Variants in LRRTM4 observed in about 807,000 individuals in gnomAD.
LRRTM4 encodes the protein leucine rich repeat transmembrane neuronal 4.
In LRRTM4, 25 loss-of-function variants were observed where a neutral mutation model predicts 47.6. The observed-to-expected ratio is 0.53, with a 90% CI of 0.38 to 0.73. LRRTM4 has a LOEUF of 0.73. LRRTM4 is among the 30% of genes least tolerant of loss of function. The probability of loss-of-function intolerance (pLI) is 0.00; values close to 1 mark genes in which losing one functional copy is unlikely to be tolerated. For missense variants in LRRTM4, 638 were observed against 713.4 expected (o/e 0.89, Z 1.20); for synonymous variants, 311 against 269.5 (o/e 1.15, Z -1.51).
intron 3 of LRRTM4, among the ~76,000 whole-genome samples, chr2:77,044,927 G>A (rs1301050170): frequency 6.6e-6 from 1 of 151,770 alleles, no homozygotes; most frequent in African/African-American, 2.4e-5. Flanking sequence ...GTGTGTATAT[G>A]TGTATATGTG....
intron 3 of LRRTM4, among the ~76,000 whole-genome samples, chr2:76,985,541 G>A (rs888570657): frequency 6.6e-6 from 1 of 151,964 alleles, no homozygotes; most frequent in South Asian, 2.1e-4. Context: ...CCAGAGCCGG[G>A]TGAAAGATCT....
intron 3 of LRRTM4, among the ~76,000 whole-genome samples, chr2:77,491,961 C>T (rs775968746): frequency 1.1e-4 from 17 of 151,590 alleles, no homozygotes; most frequent in Middle Eastern, 3.4e-3. Flanking sequence ...ACAAAGGAAA[C>T]GAAAGCAATG....
intron 3 of LRRTM4, among the ~76,000 whole-genome samples, chr2:77,329,560 T>C (rs1390620794): frequency 6.6e-6 from 1 of 151,978 alleles, no homozygotes; most frequent in Non-Finnish European, 1.5e-5. Context: ...AAAAAATAAA[T>C]CTGGGGAAGG....
At chr2:77,062,194 C>G (rs1363920234) in intron 3 of LRRTM4, among the ~76,000 whole-genome samples, 20 of 152,162 alleles carry the variant, frequency 1.3e-4, no homozygotes, top group Admixed American at 1.3e-3. Context: ...TTATTGGACA[C>G]TCCTCCAAAC....
intron 3 of LRRTM4, among the ~76,000 whole-genome samples, chr2:77,417,688 C>G (rs1423014472): frequency 6.6e-6 from 1 of 151,020 alleles, no homozygotes; most frequent in Non-Finnish European, 1.5e-5. Flanking sequence ...CCGCATATTC[C>G]CACTCATAGG....
chr2:76,800,772 C>A (rs1675624777), intron 3 of LRRTM4, among the ~76,000 whole-genome samples: 1 of 139,802 alleles, frequency 7.2e-6, no homozygotes, highest in African/African-American at 2.8e-5. Flanking sequence ...AAACAAACAA[C>A]CCCATCAAAA....
intron 3 of LRRTM4, among the ~76,000 whole-genome samples, chr2:77,060,840 C>A (rs1421279746): frequency 6.6e-6 from 1 of 151,952 alleles, no homozygotes; most frequent in Non-Finnish European, 1.5e-5. Flanking sequence ...TAGAAAAATT[C>A]ATGGAAACAT....
intron 3 of LRRTM4, among the ~76,000 whole-genome samples, chr2:76,964,777 G>C (rs1675969258): frequency 6.7e-6 from 1 of 149,908 alleles, no homozygotes; most frequent in Non-Finnish European, 1.5e-5. Flanking sequence ...GGAAAACAGA[G>C]AAAAGCAATG....
chr2:77,109,734 A>T (rs1446373899), intron 3 of LRRTM4, among the ~76,000 whole-genome samples: 1 of 152,160 alleles, frequency 6.6e-6, no homozygotes, highest in South Asian at 2.1e-4. Context: ...TAACCAGATT[A>T]AAATATAACC....
chr2:76,972,584 C>A (rs1573387269), intron 3 of LRRTM4, among the ~76,000 whole-genome samples: 1 of 151,460 alleles, frequency 6.6e-6, no homozygotes, highest in Non-Finnish European at 1.5e-5. Flanking sequence ...CACCTGGCTA[C>A]TTTTCTTGTA....
intron 3 of LRRTM4, among the ~76,000 whole-genome samples, chr2:76,865,031 T>C (rs1672427620): frequency 6.6e-6 from 1 of 152,006 alleles, no homozygotes; most frequent in African/African-American, 2.4e-5. Flanking sequence ...TTCTTTCCAT[T>C]ATTGAAGGAG....
chr2:77,063,787 A>C (rs926965199), intron 3 of LRRTM4, among the ~76,000 whole-genome samples: 1 of 152,178 alleles, frequency 6.6e-6, no homozygotes, highest in Admixed American at 6.5e-5. Context: ...AATAAACTAA[A>C]ATTTTTGAAT....
At chr2:77,137,062 A>G (rs1671965759) in intron 3 of LRRTM4, among the ~76,000 whole-genome samples, 1 of 151,926 alleles carries the variant, frequency 6.6e-6, no homozygotes, top group Non-Finnish European at 1.5e-5. Flanking sequence ...GCAAGATATT[A>G]TCCAGGAGAA....
intron 3 of LRRTM4, among the ~76,000 whole-genome samples, chr2:76,775,201 C>CA (rs1444985169): frequency 2.6e-4 from 39 of 152,140 alleles, no homozygotes; most frequent in Non-Finnish European, 2.1e-4. Flanking sequence ...GGCTTGATGG[C>CA]TTTTGCAATT....
intron 3 of LRRTM4, among the ~76,000 whole-genome samples, chr2:76,925,061 A>C (rs1163115806): frequency 2.0e-5 from 3 of 152,076 alleles, no homozygotes; most frequent in Non-Finnish European, 4.4e-5. Flanking sequence ...CTCTCCCATG[A>C]TCATAATACA....
intron 3 of LRRTM4, among the ~76,000 whole-genome samples, chr2:77,155,034 A>G (rs1007127673): frequency 6.6e-6 from 1 of 152,140 alleles, no homozygotes; most frequent in Non-Finnish European, 1.5e-5. Flanking sequence ...CACTCTAGGA[A>G]TCTGTTAATA....
At chr2:76,876,622 A>G (rs1259407213) in intron 3 of LRRTM4, among the ~76,000 whole-genome samples, 1 of 152,066 alleles carries the variant, frequency 6.6e-6, no homozygotes, top group African/African-American at 2.4e-5. Context: ...AAAGTAGAGC[A>G]TAATTCTTTA....
At chr2:77,165,881 T>C (rs1672869970) in intron 3 of LRRTM4, among the ~76,000 whole-genome samples, 1 of 152,154 alleles carries the variant, frequency 6.6e-6, no homozygotes, top group Admixed American at 6.5e-5. Context: ...ACTGGAAGCA[T>C]TCCCTTTGAA....
chr2:77,138,035 A>T (rs1229294861), intron 3 of LRRTM4, among the ~76,000 whole-genome samples: 3 of 152,198 alleles, frequency 2.0e-5, no homozygotes, highest in Non-Finnish European at 4.4e-5. Context: ...GGGAGACTTT[A>T]ACACCCTACT....
Sources: gnomAD v4.1 joint callset for allele counts (sites outside exome capture counted in the v4.1 genomes callset) on GRCh38, gnomAD v4.1.1 for gene constraint, MANE v1.5 for transcripts, NCBI Gene and HGNC (gene_info 2026-07-23, HGNC 2026-07-21) for gene names.